ATP11C: variants seen among roughly 807,000 people sequenced by gnomAD.
ATP11C encodes the protein ATPase phospholipid transporting 11C (ATP11C blood group).
Under a neutral mutation model 97.4 loss-of-function variants are expected in ATP11C, and 36 were observed. The observed-to-expected ratio is 0.37, with a 90% confidence interval of 0.28 to 0.49. The LOEUF (loss-of-function observed/expected upper bound fraction) is 0.49. Among genes scored for constraint, ATP11C ranks in the 20% least tolerant of loss-of-function variants. The probability of loss-of-function intolerance (pLI) is 0.98; values close to 1 mark genes in which losing one functional copy is unlikely to be tolerated. For synonymous variants in ATP11C, 275 were observed against 290.9 expected (o/e 0.95, Z 0.56); for missense variants, 730 against 824.6 (o/e 0.89, Z 1.40).
At chrX:139,737,685 T>A in intron 28 of ATP11C, 1 of 443,249 alleles carries the variant, frequency 2.3e-6, no homozygotes, top group East Asian at 4.2e-5. Flanking sequence ...ATACTCCATA[T>A]GGATTGCCGA....
chrX:139,811,284 G>A (rs1019103906), intron 5 of ATP11C, among the ~76,000 whole-genome samples: 37 of 111,009 alleles, frequency 3.3e-4, no homozygotes, highest in Admixed American at 3.3e-3. Context: ...GGCATCATAC[G>A]GTATGTACAG....
At chrX:139,858,223 G>C (rs1338203334) in intron 1 of ATP11C, among the ~76,000 whole-genome samples, 1 of 112,376 alleles carries the variant, frequency 8.9e-6, no homozygotes, top group African/African-American at 3.2e-5. Flanking sequence ...CAGTCTGTTA[G>C]AGCAACACAA....
At chrX:139,830,454 T>C (rs919672676) in intron 1 of ATP11C, among the ~76,000 whole-genome samples, 3 of 112,052 alleles carry the variant, frequency 2.7e-5, no homozygotes, top group Admixed American at 9.5e-5. Flanking sequence ...CATTTTAAGC[T>C]GCTCGCAAAG....
At chrX:139,766,396 T>A (rs764320935) in intron 20 of ATP11C, among the ~76,000 whole-genome samples, 1 of 111,631 alleles carries the variant, frequency 9.0e-6, no homozygotes, top group Admixed American at 9.5e-5. Flanking sequence ...AAAAAAGAGA[T>A]CGCTTTTGCA....
Position 139,745,933 on chromosome X carries a change from G to A in ATP11C, c.2829-76C>T, listed in dbSNP as rs1012468188. ...ATACAGTGAAATGTCAAAGGTGGGCGTGGAATTTGACCCTGTTATAATGAA... is the reference window on the plus strand; with the variant it reads ...ATACAGTGAAATGTCAAAGGTGGGCATGGAATTTGACCCTGTTATAATGAA... On this transcript the variant is annotated intron_variant, in intron 24 of 29. Transcript: ENST00000682941. The A allele has an allele frequency of 2.1e-5, 23 of 1,079,398 alleles. No homozygotes were observed. The East Asian group carries it at 3.7e-4, about 17-fold the overall frequency. 89.0% of individuals were successfully genotyped at this position (1,079,398 alleles called of 1,213,427 possible).
At chrX:139,778,363 T>A in intron 18 of ATP11C, among the ~76,000 whole-genome samples, 1 of 111,690 alleles carries the variant, frequency 9.0e-6, no homozygotes, top group Admixed American at 9.5e-5. Flanking sequence ...AAAGCATATG[T>A]TAGTAGAAAG....
intron 1 of ATP11C, among the ~76,000 whole-genome samples, chrX:139,904,516 G>A (rs921523580): frequency 9.0e-6 from 1 of 111,559 alleles, no homozygotes; most frequent in Non-Finnish European, 1.9e-5. Flanking sequence ...CGACAAGAGC[G>A]AAACTCCATC....
At chrX:139,784,959 G>C (rs2082542609) in intron 16 of ATP11C, among the ~76,000 whole-genome samples, 1 of 111,708 alleles carries the variant, frequency 9.0e-6, no homozygotes, top group Non-Finnish European at 1.9e-5. Flanking sequence ...TTCAGTTCCT[G>C]TTCGAACACC....
At chrX:139,926,462 G>A (rs951343829) in intron 1 of ATP11C, among the ~76,000 whole-genome samples, 2 of 111,976 alleles carry the variant, frequency 1.8e-5, no homozygotes, top group Non-Finnish European at 3.8e-5. Flanking sequence ...TGCAGACACA[G>A]CAAGGTTAGT....
intron 1 of ATP11C, among the ~76,000 whole-genome samples, chrX:139,844,310 C>A (rs1404664930): frequency 8.9e-6 from 1 of 112,223 alleles, no homozygotes; most frequent in Non-Finnish European, 1.9e-5. Flanking sequence ...GGGTTGAATG[C>A]AAGGAGTAGC....
intron 1 of ATP11C, among the ~76,000 whole-genome samples, chrX:139,838,254 T>C (rs1162911587): frequency 8.9e-6 from 1 of 111,875 alleles, no homozygotes; most frequent in Non-Finnish European, 1.9e-5. Context: ...ATTTTATGAA[T>C]TTAGAATCCA....
At position 139,738,089 on chromosome X, in the gene ATP11C, C is replaced by T. The variant is rs770317627; in HGVS notation, c.3135-20G>A. On this transcript the variant is annotated intron_variant, in intron 27 of 29. Coordinates refer to ENST00000682941, the MANE Select transcript of ATP11C (RefSeq NM_001353812.2). ...AAAGGCCTGCAGTGGAAAGAAAATACATGATGGAAAAACAAATCAATTCCT... is the reference window on the plus strand; with the variant it reads ...AAAGGCCTGCAGTGGAAAGAAAATATATGATGGAAAAACAAATCAATTCCT... The T allele has an allele frequency of 3.5e-6, 4 of 1,154,991 alleles. No homozygotes were observed. The highest frequency in any genetic ancestry group is 2.5e-5 in the Admixed American group (1 of 39,462).
At chrX:139,908,949 G>A (rs1444493387) in intron 1 of ATP11C, among the ~76,000 whole-genome samples, 1 of 111,592 alleles carries the variant, frequency 9.0e-6, no homozygotes, top group Non-Finnish European at 1.9e-5. Flanking sequence ...CCAGGACCCA[G>A]GACTAAAGCT....
intron 20 of ATP11C, among the ~76,000 whole-genome samples, chrX:139,767,442 C>T (rs1053547890): frequency 9.0e-6 from 1 of 111,110 alleles, no homozygotes; most frequent in Non-Finnish European, 1.9e-5. Flanking sequence ...ACATAGGGAG[C>T]AAGAGAAAAG....
At chrX:139,771,193 G>GT (rs1460356322) in intron 19 of ATP11C, among the ~76,000 whole-genome samples, 1 of 111,480 alleles carries the variant, frequency 9.0e-6, no homozygotes, top group Non-Finnish European at 1.9e-5. Context: ...GTGAGAGTGA[G>GT]TAAGTCTCAT....
intron 28 of ATP11C, among the ~76,000 whole-genome samples, chrX:139,733,178 T>C (rs1419440366): frequency 1.8e-5 from 2 of 112,078 alleles, no homozygotes; most frequent in African/African-American, 6.5e-5. Context: ...AAATTTTACC[T>C]GGGTAAGGTA....
chrX:139,867,073 A>G (rs1403049676), intron 1 of ATP11C, among the ~76,000 whole-genome samples: 1 of 111,786 alleles, frequency 8.9e-6, no homozygotes, highest in Non-Finnish European at 1.9e-5. Flanking sequence ...GCGACAGAGC[A>G]AGACCCTGTC....
intron 2 of ATP11C, among the ~76,000 whole-genome samples, chrX:139,822,462 A>G (rs140680187): frequency 0.021 from 2,344 of 109,925 alleles, 47 homozygotes; most frequent in East Asian, 0.12. Context: ...CACCCAAGCT[A>G]GAGTGCAGTG....
intron 1 of ATP11C, among the ~76,000 whole-genome samples, chrX:139,862,613 C>T (rs890152466): frequency 1.8e-5 from 2 of 111,397 alleles, no homozygotes; most frequent in Non-Finnish European, 3.8e-5. Flanking sequence ...AGAGTTTTTC[C>T]GAAACAAATC....
Sources: gnomAD v4.1 joint callset for allele counts (sites outside exome capture counted in the v4.1 genomes callset) on GRCh38, gnomAD v4.1.1 for gene constraint, MANE v1.5 for transcripts, NCBI Gene and HGNC (gene_info 2026-07-23, HGNC 2026-07-21) for gene names.